The following MAF variants were observed in gnomAD, a reference collection of about 807,000 sequenced individuals.
MAF encodes MAF bZIP transcription factor, also known as transcription factor Maf.
Under a neutral mutation model 22.0 loss-of-function variants are expected in MAF, and 10 were observed. The ratio of observed to expected loss-of-function variants is 0.45; its 90% CI spans 0.28 to 0.77. The LOEUF (loss-of-function observed/expected upper bound fraction) is 0.77. Among genes scored for constraint, MAF ranks in the 30% least tolerant of loss-of-function variants. The pLI is 0.12. For synonymous variants in MAF, 337 were observed against 255.8 expected (o/e 1.32, Z -3.03); for missense variants, 544 against 548.4 (o/e 0.99, Z 0.08).
chr16:79,556,011 GTTAGTTTAGTTTAGTTTAGTTTGTTTAGT>G, the MAF span, among the ~76,000 whole-genome samples: 1 of 151,760 alleles, frequency 6.6e-6, no homozygotes, highest in African/African-American at 2.4e-5. Flanking sequence ...AGTTTGTTTT[GTTAGTTTAGTTTAGTTTAGTTTGTTTAGT>G]TTAGTTTAGT....
At chr16:79,488,372 G>C in the MAF span, among the ~76,000 whole-genome samples, 4 of 152,286 alleles carry the variant, frequency 2.6e-5, no homozygotes, top group South Asian at 8.3e-4. Context: ...CAGGTAGGAG[G>C]CTCTGGGGCG....
chr16:79,368,646 T>G, the MAF span, among the ~76,000 whole-genome samples: 1 of 152,292 alleles, frequency 6.6e-6, no homozygotes, highest in South Asian at 2.1e-4. Flanking sequence ...GGTGCTCTTT[T>G]GCTTCAACTT....
the MAF span, among the ~76,000 whole-genome samples, chr16:79,470,752 G>A: frequency 6.6e-6 from 1 of 152,260 alleles, no homozygotes; most frequent in African/African-American, 2.4e-5. Flanking sequence ...GGCCATAGAA[G>A]GCACTCCCTC....
chr16:79,328,690 A>T, the MAF span, among the ~76,000 whole-genome samples: 6,233 of 152,238 alleles, frequency 0.041, 221 homozygotes, highest in East Asian at 0.2. Flanking sequence ...ATATAACTCC[A>T]TTAGATTTTG....
chr16:79,410,173 G>C, the MAF span, among the ~76,000 whole-genome samples: 3 of 152,158 alleles, frequency 2.0e-5, no homozygotes, highest in Non-Finnish European at 4.4e-5. Flanking sequence ...CAATCCAGCC[G>C]TTCCGTACCT....
chr16:79,494,286 T>C, the MAF span, among the ~76,000 whole-genome samples: 32 of 152,252 alleles, frequency 2.1e-4, no homozygotes, highest in African/African-American at 7.5e-4. Flanking sequence ...AAAATTGGGT[T>C]TGCCCATTCA....
At chr16:79,347,574 G>A in the MAF span, among the ~76,000 whole-genome samples, 1 of 152,182 alleles carries the variant, frequency 6.6e-6, no homozygotes, top group Admixed American at 6.5e-5. Flanking sequence ...CTTGCGCTTC[G>A]CATGCACCGA....
chr16:79,315,809 C>T, the MAF span, among the ~76,000 whole-genome samples: 1 of 152,258 alleles, frequency 6.6e-6, no homozygotes, highest in Non-Finnish European at 1.5e-5. Flanking sequence ...CCGTCCTCTC[C>T]ACTACATTCC....
chr16:79,597,142 A>T, intron 1 of MAF: 1 of 1,057,614 alleles, frequency 9.5e-7, no homozygotes, highest in Non-Finnish European at 1.1e-6. Context: ...TCCCCTTGCA[A>T]ACTCTACCCC....
the MAF span, among the ~76,000 whole-genome samples, chr16:79,556,724 A>G: frequency 1.3e-5 from 2 of 152,220 alleles, no homozygotes; most frequent in Non-Finnish European, 2.9e-5. Context: ...GGTAAATTAG[A>G]TAATCTCTTG....
the MAF span, among the ~76,000 whole-genome samples, chr16:79,496,793 T>C: frequency 6.6e-6 from 1 of 152,182 alleles, no homozygotes; most frequent in Non-Finnish European, 1.5e-5. Flanking sequence ...ATATCTAGTG[T>C]TCTTCAAATA....
the MAF span, among the ~76,000 whole-genome samples, chr16:79,328,720 G>C: frequency 6.6e-6 from 1 of 152,170 alleles, no homozygotes; most frequent in African/African-American, 2.4e-5. Context: ...CCAGGTAGCA[G>C]GGAGGGTTCT....
At chr16:79,215,875 T>C in the MAF span, among the ~76,000 whole-genome samples, 1 of 152,136 alleles carries the variant, frequency 6.6e-6, no homozygotes, top group African/African-American at 2.4e-5. Context: ...CTACGTTACT[T>C]GAAGATGAAC....
intron 1 of MAF, chr16:79,597,811 T>TA (rs1567564978): frequency 1.2e-5 from 12 of 1,018,272 alleles, no homozygotes; most frequent in Admixed American, 1.2e-4. Flanking sequence ...TTTTTTTTTT[T>TA]ATTAATATAA....
chr16:79,439,925 TG>T, the MAF span, among the ~76,000 whole-genome samples: 2 of 152,178 alleles, frequency 1.3e-5, no homozygotes, highest in Non-Finnish European at 2.9e-5. Context: ...TTGCTGCTGT[TG>T]TTGATTTGCT....
the MAF span, among the ~76,000 whole-genome samples, chr16:79,213,421 C>G: frequency 6.6e-6 from 1 of 152,228 alleles, no homozygotes; most frequent in Non-Finnish European, 1.5e-5. Flanking sequence ...CAGATAATGT[C>G]ACTTTTCAGA....
chr16:79,475,467 T>C, the MAF span, among the ~76,000 whole-genome samples: 3 of 151,978 alleles, frequency 2.0e-5, no homozygotes, highest in East Asian at 1.9e-4. Context: ...CTCTTTCAAA[T>C]ATCCATGTAC....
the MAF span, among the ~76,000 whole-genome samples, chr16:79,435,156 C>G: frequency 6.6e-6 from 1 of 152,126 alleles, no homozygotes; most frequent in Non-Finnish European, 1.5e-5. Context: ...CGCAGTACAC[C>G]TATACCTATG....
the MAF span, among the ~76,000 whole-genome samples, chr16:79,208,247 G>A: frequency 6.6e-6 from 1 of 152,078 alleles, no homozygotes; most frequent in Non-Finnish European, 1.5e-5. Flanking sequence ...ATTCTTCTGG[G>A]CTTCCCAGAA....
Sources: gnomAD v4.1 joint callset for allele counts (sites outside exome capture counted in the v4.1 genomes callset) on GRCh38, gnomAD v4.1.1 for gene constraint, MANE v1.5 for transcripts, NCBI Gene and HGNC (gene_info 2026-07-23, HGNC 2026-07-21) for gene names.